COLEC10: variants seen among roughly 807,000 people sequenced by gnomAD.
The protein encoded by COLEC10 is collectin subfamily member 10.
COLEC10 carries 22 observed loss-of-function variants against 28.4 expected under a neutral mutation model. That is an observed-to-expected ratio of 0.78 (90% CI 0.55 to 1.11). The LOEUF is 1.11. COLEC10 is among the 50% of genes least tolerant of loss of function. The pLI is 0.00. For synonymous variants in COLEC10, 125 were observed against 116.1 expected (o/e 1.08, Z -0.49); for missense variants, 361 against 344.1 (o/e 1.05, Z -0.39).
the COLEC10 span, chr8:118,976,399 T>G: frequency 3.3e-5 from 5 of 152,174 alleles, no homozygotes; most frequent in East Asian, 9.7e-4. Context: ...TAAAGAGTAG[T>G]CTCCTTGTTT....
chr8:119,064,021 G>A (rs1347178489), upstream of COLEC10, among the ~76,000 whole-genome samples: 1 of 152,192 alleles, frequency 6.6e-6, no homozygotes, highest in African/African-American at 2.4e-5. Flanking sequence ...GGCAAAAACA[G>A]TGTTGGCTTG....
chr8:118,978,167 T>C, the COLEC10 span, among the ~76,000 whole-genome samples: 2 of 152,162 alleles, frequency 1.3e-5, no homozygotes, highest in South Asian at 2.1e-4. Flanking sequence ...CTAATGCACA[T>C]TTGAATATGA....
intron 2 of COLEC10, among the ~76,000 whole-genome samples, chr8:119,090,831 G>A (rs1435673788): frequency 6.6e-6 from 1 of 152,102 alleles, no homozygotes; most frequent in African/African-American, 2.4e-5. Context: ...AACCAGAATC[G>A]AGTCAAGAAT....
chr8:119,075,778 C>G (rs75666176), intron 1 of COLEC10, among the ~76,000 whole-genome samples: 4,898 of 152,170 alleles, frequency 0.032, 117 homozygotes, highest in Non-Finnish European at 0.055. Context: ...CCTGTGCCCC[C>G]CATTCTACCT....
At chr8:118,987,758 C>T in the COLEC10 span, among the ~76,000 whole-genome samples, 1 of 152,066 alleles carries the variant, frequency 6.6e-6, no homozygotes, top group African/African-American at 2.4e-5. Flanking sequence ...ATATTTGTTA[C>T]CCATAATCCT....
At chr8:119,097,414 T>C (rs1379929025) in intron 3 of COLEC10, among the ~76,000 whole-genome samples, 1 of 152,088 alleles carries the variant, frequency 6.6e-6, no homozygotes, top group African/African-American at 2.4e-5. Flanking sequence ...CAAACATACA[T>C]AGCTAATTAT....
At chr8:119,079,603 C>T (rs1815328943) in intron 1 of COLEC10, among the ~76,000 whole-genome samples, 2 of 132,336 alleles carry the variant, frequency 1.5e-5, no homozygotes, top group African/African-American at 5.5e-5. Flanking sequence ...TGTTAGTTCC[C>T]ACCCTCCCAC....
In COLEC10 at chr8:119,067,349, T is replaced by C; in HGVS notation, c.68T>C (p.Ile23Thr). The change falls in exon 1 of 6, where the codon ATT (isoleucine) becomes ACT (threonine). Residue 23 changes from isoleucine (I) to threonine (T), a missense_variant. Ile to Thr is a moderately conservative substitution (Grantham distance 89, BLOSUM62 -1). This residue lies in a region of COLEC10 where 335 missense variants were observed against 308.5 expected (regional missense o/e 1.09). Coordinates refer to ENST00000332843, the MANE Select transcript of COLEC10 (RefSeq NM_006438.5). ...FILLVLFLLQ[I>T]QSLGLDIDSR... ...CTCCTGGTACTATTTCTTTTGCAAA[T>C]TCAGAGTCTGGGTCTGGATATTGAT... 1 of 1,614,000 alleles carries C rather than the reference T, an allele frequency of 6.2e-7. No homozygotes were observed. The highest frequency in any genetic ancestry group is 8.5e-7 in the Non-Finnish European group (1 of 1,179,936).
At chr8:118,990,965 TAAAG>T (rs1434371727), upstream of COLEC10, among the ~76,000 whole-genome samples, 1 of 149,404 alleles carries the variant, frequency 6.7e-6, no homozygotes, top group Non-Finnish European at 1.5e-5. Context: ...TTTAGGGAAT[TAAAG>T]AAAAAAAAAA....
chr8:118,968,605 ATGTATG>A, the COLEC10 span, among the ~76,000 whole-genome samples: 16 of 150,022 alleles, frequency 1.1e-4, no homozygotes, highest in Non-Finnish European at 1.6e-4. Context: ...ATATACGTAT[ATGTATG>A]TATATGTATA....
chr8:118,953,072 G>A, the COLEC10 span, among the ~76,000 whole-genome samples: 1 of 152,204 alleles, frequency 6.6e-6, no homozygotes, highest in African/African-American at 2.4e-5. Context: ...TGGGGAGCAA[G>A]GATGGCTTAC....
At chr8:118,986,559 A>T in the COLEC10 span, among the ~76,000 whole-genome samples, 4 of 152,324 alleles carry the variant, frequency 2.6e-5, no homozygotes, top group East Asian at 7.7e-4. Context: ...AGATTATAAA[A>T]TTGAAAGTAA....
At chr8:118,962,487 C>G in the COLEC10 span, among the ~76,000 whole-genome samples, 1 of 152,154 alleles carries the variant, frequency 6.6e-6, no homozygotes, top group Non-Finnish European at 1.5e-5. Context: ...AATATGTAAG[C>G]TGTTCAATTT....
At chr8:119,060,790 A>G (rs1814842579) in intron 2 of COLEC10, among the ~76,000 whole-genome samples, 1 of 152,182 alleles carries the variant, frequency 6.6e-6, no homozygotes, top group South Asian at 2.1e-4. Flanking sequence ...TCATTAGTCA[A>G]CTAACTCCAC....
the COLEC10 span, among the ~76,000 whole-genome samples, chr8:118,958,724 T>G: frequency 6.6e-6 from 1 of 152,376 alleles, no homozygotes; most frequent in African/African-American, 2.4e-5. Flanking sequence ...TGTTTGTACC[T>G]TGGTTAATAA....
At chr8:118,985,529 G>T in the COLEC10 span, among the ~76,000 whole-genome samples, 1 of 151,968 alleles carries the variant, frequency 6.6e-6, no homozygotes, top group Non-Finnish European at 1.5e-5. Context: ...ATTTAAACAG[G>T]GATTTATGAG....
intron 1 of COLEC10, chr8:119,068,226 T>C (rs768515476): frequency 6.6e-6 from 1 of 152,178 alleles, no homozygotes; most frequent in Non-Finnish European, 1.5e-5. Flanking sequence ...AAATTTTAAG[T>C]AGAAAAAAGT....
the COLEC10 span, among the ~76,000 whole-genome samples, chr8:118,970,571 G>T: frequency 6.6e-6 from 1 of 151,578 alleles, no homozygotes; most frequent in African/African-American, 2.4e-5. Context: ...CAAGTATTTA[G>T]CAGTGTCTGA....
At chr8:118,982,052 A>C in the COLEC10 span, among the ~76,000 whole-genome samples, 1 of 151,940 alleles carries the variant, frequency 6.6e-6, no homozygotes, top group Admixed American at 6.6e-5. Flanking sequence ...TACCTTAGTA[A>C]TTTCAGGAAG....
Sources: allele counts gnomAD v4.1 joint callset (sites outside exome capture counted in the v4.1 genomes callset), GRCh38; gene constraint gnomAD v4.1.1; regional missense constraint gnomAD v4.1.1; transcripts MANE v1.5; gene names NCBI Gene and HGNC (gene_info 2026-07-23, HGNC 2026-07-21).